KIFC3: variants seen among roughly 807,000 people sequenced by gnomAD.
KIFC3 encodes kinesin family member C3.
In KIFC3, 60 loss-of-function variants were observed where a neutral mutation model predicts 101.8. The ratio of observed to expected loss-of-function variants is 0.59; its 90% CI spans 0.48 to 0.73. The LOEUF (loss-of-function observed/expected upper bound fraction) is 0.73, where lower values mean the gene tolerates loss of function less well. KIFC3 is among the 30% of genes least tolerant of loss of function. The pLI is 0.00. For synonymous variants in KIFC3, 476 were observed against 482.7 expected (o/e 0.99, Z 0.18); for missense variants, 966 against 1,137.1 (o/e 0.85, Z 2.16).
At chr16:57,783,338 C>T (rs1376034283) in intron 3 of KIFC3, among the ~76,000 whole-genome samples, 3 of 152,096 alleles carry the variant, frequency 2.0e-5, no homozygotes, top group African/African-American at 4.8e-5. Context: ...GTGATGAAGA[C>T]GTTTGGCAAT....
chr16:57,821,528 G>A (rs549312874), intron 1 of KIFC3, among the ~76,000 whole-genome samples: 2 of 152,080 alleles, frequency 1.3e-5, no homozygotes, highest in African/African-American at 4.8e-5. Flanking sequence ...TAGACTCAAA[G>A]GTGAACTTTC....
intron 1 of KIFC3, among the ~76,000 whole-genome samples, chr16:57,848,186 T>A (rs1252527122): frequency 6.6e-6 from 1 of 152,240 alleles, no homozygotes; most frequent in Non-Finnish European, 1.5e-5. Context: ...TCTAATGCCT[T>A]GAAGTTGCCA....
In KIFC3 at chr16:57,837,468, AAAAG is replaced by A. The variant is rs756740738; in HGVS notation, c.108+25257_108+25260del. ...AGGTGACAGAGTGAGACTCAGTCAA[AAAAG>A]AAAGAAAGAAAGAGAGAGAAAGACG... is the stretch of plus-strand genomic sequence containing the variant. On this transcript the variant is annotated intron_variant, in intron 1 of 2. Transcript: ENST00000563028. Among the ~76,000 whole-genome samples the A allele has an allele frequency of 6.5e-4, 99 of 151,428 alleles. 1 individual carries two copies. The South Asian group carries it at 0.01, about 15-fold the overall frequency.
chr16:57,763,148 G>T (rs1360114466), intron 12 of KIFC3, among the ~76,000 whole-genome samples: 1 of 152,172 alleles, frequency 6.6e-6, no homozygotes, highest in Non-Finnish European at 1.5e-5. Context: ...TTGGCCCTGT[G>T]GGGAGGGCCC....
At chr16:57,797,251 C>T (rs2149212749) in intron 2 of KIFC3, among the ~76,000 whole-genome samples, 1 of 152,368 alleles carries the variant, frequency 6.6e-6, no homozygotes, top group Non-Finnish European at 1.5e-5. Flanking sequence ...GGCTGGCAGT[C>T]TAGACCCTGT....
chr16:57,814,858 G>A (rs1555628460), intron 1 of KIFC3, among the ~76,000 whole-genome samples: 1 of 152,150 alleles, frequency 6.6e-6, no homozygotes, highest in Non-Finnish European at 1.5e-5. Context: ...CTGAGCTCAA[G>A]CAATCCACGA....
chr16:57,830,236 CTT>C (rs34842791), intron 1 of KIFC3, among the ~76,000 whole-genome samples: 7 of 119,292 alleles, frequency 5.9e-5, no homozygotes, highest in Non-Finnish European at 8.8e-5. Flanking sequence ...TTTTTTCTTT[CTT>C]TTTTTTTTTT....
intron 3 of KIFC3, chr16:57,776,564 T>C (rs966883540): frequency 1.6e-5 from 4 of 254,046 alleles, no homozygotes; most frequent in Non-Finnish European, 2.5e-5. Flanking sequence ...GGCTACCTCA[T>C]GGAAGCTGTC....
chr16:57,762,031 C>G, intron 13 of KIFC3, 109 bp downstream of exon 13: 3 of 1,381,924 alleles, frequency 2.2e-6, no homozygotes, highest in East Asian at 4.7e-5. Flanking sequence ...GCCCCTGAGG[C>G]CTGCTCCCCA....
intron 1 of KIFC3, among the ~76,000 whole-genome samples, chr16:57,814,221 C>T (rs1333396368): frequency 2.0e-5 from 3 of 152,144 alleles, no homozygotes; most frequent in Non-Finnish European, 2.9e-5. Flanking sequence ...CCCCATATCC[C>T]CACCTGCAGC....
intron 1 of KIFC3, among the ~76,000 whole-genome samples, chr16:57,826,720 G>A (rs1425716423): frequency 1.3e-5 from 2 of 152,238 alleles, no homozygotes; most frequent in East Asian, 3.8e-4. Context: ...GTGTGCATAA[G>A]TGTTTTGATT....
chr16:57,778,979 G>A (rs947746981), intron 3 of KIFC3, among the ~76,000 whole-genome samples: 1 of 152,236 alleles, frequency 6.6e-6, no homozygotes, highest in Non-Finnish European at 1.5e-5. Flanking sequence ...TGCACTGTTA[G>A]TGGGAATGTA....
At chr16:57,770,920 G>A (rs1338833292) in intron 6 of KIFC3, among the ~76,000 whole-genome samples, 1 of 152,226 alleles carries the variant, frequency 6.6e-6, no homozygotes, top group African/African-American at 2.4e-5. Flanking sequence ...CCTGGCTGGG[G>A]CCCCATCCTG....
chr16:57,851,535 G>A (rs1198615328), intron 1 of KIFC3, among the ~76,000 whole-genome samples: 5 of 149,916 alleles, frequency 3.3e-5, no homozygotes, highest in Non-Finnish European at 7.4e-5. Context: ...ATTGCCTCTT[G>A]TCTCTGGAAC....
chr16:57,760,014 G>A (rs966523724), intron 17 of KIFC3, 178 bp from the exon 18 acceptor site: 2 of 615,656 alleles, frequency 3.2e-6, no homozygotes, highest in Non-Finnish European at 5.6e-6. Context: ...GATAATTCAT[G>A]TAAAGAAGTC....
intron 1 of KIFC3, among the ~76,000 whole-genome samples, chr16:57,800,343 G>A (rs112366005): frequency 2.6e-4 from 39 of 152,296 alleles, no homozygotes; most frequent in Admixed American, 5.9e-4. Flanking sequence ...ATCTAAATAC[G>A]TGGGCCAGCT....
chr16:57,771,614 G>A lies in KIFC3; in HGVS notation c.454C>T (p.Arg152Cys), dbSNP rs781807615. The change falls in exon 5 of 20, where the codon CGC becomes TGC. Residue 152 changes from arginine to cysteine, a missense_variant. Physicochemically the swap from Arg to Cys is radical, Grantham distance 180. This residue lies in a region of KIFC3 where 277 missense variants were observed against 252.5 expected (regional missense o/e 1.10). Transcript: ENST00000445690. ...AGCTCTTGCAGCTCGGCCTCACAGC[G>A]CCGCATCTCCTGCCTCAGTCGCTCA... Reference protein sequence around the residue: ...ENERLRQEMRRCEAELQELRT... With the variant: ...ENERLRQEMRCCEAELQELRT... The A allele has an allele frequency of 1.2e-5, 19 of 1,613,198 alleles. No individual in the cohort carries two copies. The highest frequency in any genetic ancestry group is 2.7e-5 in the African/African-American group (2 of 74,950).
chr16:57,820,180 G>A (rs1178918883), intron 1 of KIFC3, among the ~76,000 whole-genome samples: 3 of 152,226 alleles, frequency 2.0e-5, no homozygotes, highest in Non-Finnish European at 2.9e-5. Flanking sequence ...TTAAAATGTG[G>A]CACCAGGCCT....
At chr16:57,786,189 C>A (rs2053300620) in intron 3 of KIFC3, among the ~76,000 whole-genome samples, 1 of 152,140 alleles carries the variant, frequency 6.6e-6, no homozygotes, top group Non-Finnish European at 1.5e-5. Context: ...ACAGACAGAC[C>A]AGGACACAAA....
Sources: gnomAD v4.1 joint callset for allele counts (sites outside exome capture counted in the v4.1 genomes callset) on GRCh38, gnomAD v4.1.1 for gene constraint, gnomAD v4.1.1 regional missense constraint, MANE v1.5 for transcripts, NCBI Gene and HGNC (gene_info 2026-07-23, HGNC 2026-07-21) for gene names.